The following ZNF423 variants were observed in gnomAD, a reference collection of about 807,000 sequenced individuals.
ZNF423 encodes zinc finger protein 423, also known as Ebf-associated zinc finger protein.
In ZNF423, 12 loss-of-function variants were observed where a neutral mutation model predicts 95.8. That is an observed-to-expected ratio of 0.13 (90% confidence interval 0.08 to 0.20). The LOEUF (loss-of-function observed/expected upper bound fraction) is 0.20, where lower values mean the gene tolerates loss of function less well. Among genes scored for constraint, ZNF423 ranks in the 10% least tolerant of loss-of-function variants. ZNF423 has a pLI of 1.00. For synonymous variants in ZNF423, 749 were observed against 711.9 expected (o/e 1.05, Z -0.83); for missense variants, 1,316 against 1,737.1 (o/e 0.76, Z 4.31).
intron 5 of ZNF423, among the ~76,000 whole-genome samples, chr16:49,565,746 T>G (rs916741829): frequency 1.3e-5 from 2 of 152,120 alleles, no homozygotes. Context: ...CAAATATTAA[T>G]AGTTACAGTT....
intron 2 of ZNF423, among the ~76,000 whole-genome samples, chr16:49,757,285 A>G (rs1441492844): frequency 6.6e-6 from 1 of 152,082 alleles, no homozygotes; most frequent in African/African-American, 2.4e-5. Flanking sequence ...GCTCTTCCTG[A>G]CTCAGCTTAA....
chr16:49,730,672 C>T (rs2033141551), intron 3 of ZNF423, 99 bp downstream of exon 3: 1 of 1,268,404 alleles, frequency 7.9e-7, no homozygotes, highest in Non-Finnish European at 1.1e-6. Flanking sequence ...TGTAAAATTA[C>T]ATTATTAATT....
At chr16:49,656,331 T>C (rs1053647284) in intron 3 of ZNF423, among the ~76,000 whole-genome samples, 1 of 151,936 alleles carries the variant, frequency 6.6e-6, no homozygotes, top group Non-Finnish European at 1.5e-5. Context: ...GCCAACATGG[T>C]GAAACCCCGT....
intron 3 of ZNF423, among the ~76,000 whole-genome samples, chr16:49,662,222 C>G (rs137883231): frequency 4.4e-4 from 67 of 152,282 alleles, no homozygotes; most frequent in African/African-American, 1.4e-3. Context: ...CTGGTCCACC[C>G]CAAAAAGTCC....
intron 5 of ZNF423, among the ~76,000 whole-genome samples, chr16:49,541,303 C>A (rs1179502562): frequency 6.6e-6 from 1 of 152,144 alleles, no homozygotes; most frequent in African/African-American, 2.4e-5. Context: ...GCCCTGTGGA[C>A]CAGAGACAAA....
chr16:49,668,045 A>G (rs1020611790), intron 3 of ZNF423, among the ~76,000 whole-genome samples: 1 of 152,080 alleles, frequency 6.6e-6, no homozygotes, highest in Non-Finnish European at 1.5e-5. Flanking sequence ...TGTTCTCCCA[A>G]CTACAAACTT....
At chr16:49,502,275 G>A (rs1422646863) in intron 7 of ZNF423, among the ~76,000 whole-genome samples, 1 of 152,166 alleles carries the variant, frequency 6.6e-6, no homozygotes, top group Admixed American at 6.5e-5. Flanking sequence ...GCTGGGATGT[G>A]GGACTCGGTG....
chr16:49,815,369 T>A (rs1388094603), intron 1 of ZNF423, among the ~76,000 whole-genome samples: 2 of 152,248 alleles, frequency 1.3e-5, no homozygotes, highest in Admixed American at 1.3e-4. Context: ...TCCCTAACTT[T>A]CCATGAGAAA....
intron 5 of ZNF423, among the ~76,000 whole-genome samples, chr16:49,597,453 T>C (rs1156970936): frequency 1.3e-5 from 2 of 152,250 alleles, no homozygotes; most frequent in Non-Finnish European, 2.9e-5. Flanking sequence ...GTTGATTATA[T>C]GGTACCATCA....
At chr16:49,802,337 A>G (rs2034595410) in intron 1 of ZNF423, among the ~76,000 whole-genome samples, 1 of 152,124 alleles carries the variant, frequency 6.6e-6, no homozygotes, top group African/African-American at 2.4e-5. Context: ...AGAAGAGGAG[A>G]GTTCATCTCT....
At chr16:49,575,379 G>A (rs769417407) in intron 5 of ZNF423, among the ~76,000 whole-genome samples, 1 of 152,090 alleles carries the variant, frequency 6.6e-6, no homozygotes, top group East Asian at 1.9e-4. Flanking sequence ...CAAGCCCAAC[G>A]CAAAACTAGC....
At chr16:49,543,544 C>T (rs1038327886) in intron 5 of ZNF423, among the ~76,000 whole-genome samples, 6 of 152,218 alleles carry the variant, frequency 3.9e-5, no homozygotes, top group Middle Eastern at 3.2e-3. Flanking sequence ...CCCTCCAGTG[C>T]GGGCTGGGTC....
In ZNF423 at chr16:49,491,276, C is replaced by T. The variant is rs1596988126; in HGVS notation, c.3878G>A (p.Ter1293=). ...AGAGGTGTCCTGTTGAGCGATCCCT[C>T]ACTGTGCGTGCTGGCTCATCGTGTG... ...QNHTMSQHAQ[*] The change falls in exon 8 of 8, where the codon TGA becomes TAA. Residue 1293 remains the stop codon, a stop_retained_variant. Coordinates refer to ENST00000563137, the MANE Select transcript of ZNF423 (RefSeq NM_001379286.1). 4 of 1,613,996 alleles carry T rather than the reference C, an allele frequency of 2.5e-6. No individual in the cohort carries two copies. Among genetic ancestry groups the T allele is most frequent in the Admixed American group, 3.3e-5 (2 of 60,004 alleles).
intron 3 of ZNF423, among the ~76,000 whole-genome samples, chr16:49,703,326 A>C (rs755257986): frequency 6.6e-6 from 1 of 152,216 alleles, no homozygotes; most frequent in Non-Finnish European, 1.5e-5. Flanking sequence ...CATGTGAAGG[A>C]GTAAAAATCA....
chr16:49,832,498 G>A (rs908979332), intron 1 of ZNF423, among the ~76,000 whole-genome samples: 6 of 151,918 alleles, frequency 3.9e-5, no homozygotes, highest in African/African-American at 1.5e-4. Context: ...ACAGCCACTG[G>A]GGCAAAGCCA....
intron 2 of ZNF423, among the ~76,000 whole-genome samples, chr16:49,739,522 T>A (rs534421870): frequency 1.3e-4 from 19 of 151,910 alleles, no homozygotes; most frequent in African/African-American, 3.6e-4. Flanking sequence ...CGATCCTGAG[T>A]AAGGTGCGAG....
chr16:49,691,103 G>C (rs572075198), intron 3 of ZNF423, among the ~76,000 whole-genome samples: 2 of 152,364 alleles, frequency 1.3e-5, no homozygotes, highest in East Asian at 3.9e-4. Flanking sequence ...AGAATCAGCC[G>C]ACCAGGGCAG....
intron 3 of ZNF423, among the ~76,000 whole-genome samples, chr16:49,712,282 C>G (rs907286989): frequency 1.3e-4 from 20 of 152,154 alleles, no homozygotes; most frequent in African/African-American, 4.6e-4. Context: ...AAGGAACGGG[C>G]GCCCGCACTG....
At chr16:49,493,578 T>C (rs1357317483) in intron 7 of ZNF423, among the ~76,000 whole-genome samples, 2 of 151,980 alleles carry the variant, frequency 1.3e-5, no homozygotes, top group African/African-American at 4.8e-5. Flanking sequence ...TCATTCTTTA[T>C]TAGGGGGAGG....
Sources: gnomAD v4.1 joint callset for allele counts (sites outside exome capture counted in the v4.1 genomes callset) on GRCh38, gnomAD v4.1.1 for gene constraint, MANE v1.5 for transcripts, NCBI Gene and HGNC (gene_info 2026-07-23, HGNC 2026-07-21) for gene names.